The following PRRC2B variants were observed in gnomAD, a reference collection of about 807,000 sequenced individuals.
The protein encoded by PRRC2B is proline rich coiled-coil 2B.
A neutral mutation model predicts 242.3 loss-of-function variants in PRRC2B; 68 were observed. The observed-to-expected ratio is 0.28, with a 90% CI of 0.23 to 0.34. The LOEUF (loss-of-function observed/expected upper bound fraction) is 0.34, where lower values mean the gene tolerates loss of function less well. PRRC2B is among the 10% of genes least tolerant of loss of function. The probability of loss-of-function intolerance (pLI) is 1.00; values close to 1 mark genes in which losing one functional copy is unlikely to be tolerated. For missense variants in PRRC2B, 2,835 were observed against 2,954.8 expected, an observed-to-expected ratio of 0.96 and a Z score of 0.94; for synonymous variants, 1,228 against 1,173.6, an observed-to-expected ratio of 1.05 and a Z score of -0.95.
intron 1 of PRRC2B, among the ~76,000 whole-genome samples, chr9:131,420,501 T>TTCTTTCTTTCTTTCTTTC (rs1588242598): frequency 1.6e-4 from 3 of 19,048 alleles, no homozygotes; most frequent in Non-Finnish European, 2.5e-4. Context: ...TTCTTTTTTT[T>TTCTTTCTTTCTTTCTTTC]TTTTTTTTTG....
chr9:131,440,594 C>T (rs187888044), intron 5 of PRRC2B, among the ~76,000 whole-genome samples: 16 of 152,284 alleles, frequency 1.1e-4, no homozygotes, highest in Non-Finnish European at 1.6e-4. Flanking sequence ...AAATTATACT[C>T]GCCCGTGTGT....
chr9:131,447,009 A>T, intron 7 of PRRC2B, 76 bp from the exon 8 acceptor site: 1 of 1,588,006 alleles, frequency 6.3e-7, no homozygotes, highest in Non-Finnish European at 8.6e-7. Context: ...CACTTTATAA[A>T]ACACATTCTG....
In PRRC2B at chr9:131,481,899, C is replaced by T. The variant is rs548595723; in HGVS notation, c.4983+91C>T. On this transcript the variant is annotated intron_variant, in intron 20 of 31. Transcript: ENST00000683519. ...CACGGCCAGCTTGCTGTGGCCCACC[C>T]AAGCCCCTGCCACAGCAGCTGAGCT... The T allele has an allele frequency of 4.4e-5, 50 of 1,147,276 alleles. No individual in the cohort carries two copies. The African/African-American group carries it at 6.5e-4, about 15-fold the overall frequency. The allele number at this position is 1,147,276 out of a possible 1,614,324, so 71.1% of individuals were successfully genotyped here.
At chr9:131,489,845 C>T (rs992394913) in intron 28 of PRRC2B, among the ~76,000 whole-genome samples, 17 of 152,132 alleles carry the variant, frequency 1.1e-4, no homozygotes, top group Admixed American at 3.9e-4. Context: ...CCCGTAATCC[C>T]GCCCCCCACA....
In PRRC2B at chr9:131,473,565, A is replaced by G. The variant is rs1361606979; in HGVS notation, c.2165A>G (p.Glu722Gly). The G allele has an allele frequency of 6.2e-7, 1 of 1,610,958 alleles. No homozygotes were observed. Among genetic ancestry groups the G allele is most frequent in the Non-Finnish European group, 8.5e-7 (1 of 1,178,646 alleles). Residue 722 changes from glutamate to glycine, a missense_variant, in exon 15 of 32, where the codon GAG becomes GGG. Glu to Gly is a moderately conservative substitution (Grantham distance 98). Around this residue, in one of 7 missense-constraint regions of PRRC2B, gnomAD observed 1,536 missense variants for 1,483.1 expected, o/e 1.04. Coordinates refer to ENST00000683519, the MANE Select transcript of PRRC2B (RefSeq NM_013318.4). ...CTCAATGGGACAGGCTGTCGCTCTG[A>G]GGATCAGAACTGTGTGCCCCCACTC... Reference protein sequence around the residue: ...ESLNGTGCRSEDQNCVPPLQE... With the variant: ...ESLNGTGCRSGDQNCVPPLQE...
chr9:131,477,403 C>T (rs560769127), intron 16 of PRRC2B, among the ~76,000 whole-genome samples: 3 of 152,350 alleles, frequency 2.0e-5, no homozygotes, highest in South Asian at 2.1e-4. Flanking sequence ...AAGGGCCCTC[C>T]GGCAGGGCAG....
At chr9:131,484,153 C>A (rs541533828) in intron 23 of PRRC2B, among the ~76,000 whole-genome samples, 39 of 152,338 alleles carry the variant, frequency 2.6e-4, no homozygotes, top group African/African-American at 9.1e-4. Flanking sequence ...CGGGGATCTG[C>A]AGGAAGCGGG....
intron 22 of PRRC2B, 131 bp from the exon 23 acceptor site, chr9:131,483,228 A>G: frequency 6.9e-6 from 6 of 868,674 alleles, no homozygotes; most frequent in Non-Finnish European, 1.1e-5. Flanking sequence ...TCTCGCTCAT[A>G]TGTGGCTCCA....
chr9:131,383,391 C>T (rs559752128), intron 1 of PRRC2B, among the ~76,000 whole-genome samples: 6 of 151,996 alleles, frequency 3.9e-5, no homozygotes, highest in African/African-American at 4.8e-5. Context: ...ATTCCTGGAT[C>T]AGATCATATT....
rs368137050 is a variant in PRRC2B, at chr9:131,454,319, G to A, written c.1121-757G>A. Among the ~76,000 whole-genome samples the A allele has an allele frequency of 5.5e-4, 84 of 152,294 alleles. 1 individual carries two copies. In the East Asian group the frequency reaches 0.014, roughly 25 times the overall value. Reference sequence around the variant, plus strand: ...AGCCACTTGGGCTGATCAGTGCCTGGGGCAAGTGGTAACTCACAAATCTCA... The same window carrying A: ...AGCCACTTGGGCTGATCAGTGCCTGAGGCAAGTGGTAACTCACAAATCTCA... On this transcript the variant is annotated intron_variant, in intron 9 of 31. Transcript: ENST00000683519.
At position 131,478,770 on chromosome 9, in the gene PRRC2B, C is replaced by T. The variant is rs12115215; in HGVS notation, c.4758+151C>T. On this transcript the variant is annotated intron_variant, in intron 18 of 31. Coordinates refer to ENST00000683519, the MANE Select transcript of PRRC2B (RefSeq NM_013318.4). ...ATTTAGCAAGCACACATTGTCTCCCCGTTCCTGCTATTACCAAGGCCCTTC... is the reference window on the plus strand; with the variant it reads ...ATTTAGCAAGCACACATTGTCTCCCTGTTCCTGCTATTACCAAGGCCCTTC... 4.7e-4 allele frequency among the ~76,000 whole-genome samples: 72 copies of T among 152,212 alleles called. No individual in the cohort carries two copies. In the East Asian group the frequency reaches 0.012, roughly 26 times the overall value.
intron 23 of PRRC2B, 21 bp downstream of exon 23, chr9:131,483,466 T>C (rs373820162): frequency 4.4e-6 from 7 of 1,607,208 alleles, no homozygotes; most frequent in Non-Finnish European, 6.0e-6. Context: ...ACTTCCACTT[T>C]TGGCTCCACT....
intron 1 of PRRC2B, among the ~76,000 whole-genome samples, chr9:131,409,241 C>T (rs368135057): frequency 3.7e-4 from 56 of 152,278 alleles, no homozygotes; most frequent in Admixed American, 5.9e-4. Flanking sequence ...AGGCTGGTCT[C>T]GAACTCCCGA....
At chr9:131,399,827 C>T (rs1009556336) in intron 1 of PRRC2B, among the ~76,000 whole-genome samples, 2 of 152,030 alleles carry the variant, frequency 1.3e-5, no homozygotes, top group East Asian at 1.9e-4. Context: ...TGCTATTATA[C>T]GGATATGCCA....
At chr9:131,384,849 C>G (rs1053542771) in intron 1 of PRRC2B, among the ~76,000 whole-genome samples, 1 of 152,194 alleles carries the variant, frequency 6.6e-6, no homozygotes, top group Non-Finnish European at 1.5e-5. Flanking sequence ...GCCACCGCGC[C>G]TGGTCGAAGG....
chr9:131,430,237 A>G lies in PRRC2B; in HGVS notation c.93A>G (p.Ser31=). The change falls in exon 2 of 32, where the codon TCA becomes TCG. Residue 31 remains serine (S), a synonymous_variant. Transcript: ENST00000683519. ...LSLFDKYKGK[S]VDAIRSSVIP... ...TGTTTGATAAGTATAAAGGAAAATCAGTAGACGCGATTAGATCCTCAGGTA... is the reference window on the plus strand; with the variant it reads ...TGTTTGATAAGTATAAAGGAAAATCGGTAGACGCGATTAGATCCTCAGGTA... The G allele has an allele frequency of 6.3e-7, 1 of 1,598,178 alleles. No individual in the cohort carries two copies. The highest frequency in any genetic ancestry group is 8.5e-7 in the Non-Finnish European group (1 of 1,171,628).
intron 1 of PRRC2B, among the ~76,000 whole-genome samples, chr9:131,400,160 C>T (rs1564273643): frequency 1.3e-5 from 2 of 152,022 alleles, no homozygotes; most frequent in South Asian, 2.1e-4. Context: ...CTCAGCTCAC[C>T]GTAACCTCTG....
intron 9 of PRRC2B, among the ~76,000 whole-genome samples, chr9:131,449,945 A>G (rs1185697812): frequency 1.3e-5 from 2 of 152,192 alleles, no homozygotes; most frequent in African/African-American, 4.8e-5. Context: ...CATACGGCCA[A>G]TTCTCCACAA....
At chr9:131,407,974 C>T (rs1243786605) in intron 1 of PRRC2B, among the ~76,000 whole-genome samples, 3 of 152,286 alleles carry the variant, frequency 2.0e-5, no homozygotes, top group Middle Eastern at 3.4e-3. Context: ...ACCGGGGTAA[C>T]GGGAGGCATT....
Sources: allele counts gnomAD v4.1 joint callset (sites outside exome capture counted in the v4.1 genomes callset), GRCh38; gene constraint gnomAD v4.1.1; regional missense constraint gnomAD v4.1.1; transcripts MANE v1.5; gene names NCBI Gene and HGNC (gene_info 2026-07-23, HGNC 2026-07-21).